The following MAGI1 variants were observed in gnomAD, a reference collection of about 807,000 sequenced individuals.
MAGI1 encodes membrane-associated guanylate kinase, WW and PDZ domain-containing protein 1.
Under a neutral mutation model 139.9 loss-of-function variants are expected in MAGI1, and 58 were observed. The ratio of observed to expected loss-of-function variants is 0.41; its 90% CI spans 0.34 to 0.52. The LOEUF (loss-of-function observed/expected upper bound fraction) is 0.52. Ranked by LOEUF, MAGI1 falls within the 20% of genes least tolerant of loss-of-function variation. The pLI is 0.12. For missense variants in MAGI1, 1,874 were observed against 1,901.6 expected (o/e 0.99, Z 0.27); for synonymous variants, 812 against 737.9 (o/e 1.10, Z -1.63).
chr3:65,375,832 A>T lies in MAGI1; in HGVS notation c.3109T>A (p.Ser1037Thr). ...GDRILAVNGC[S>T]ITNKSHSDIV... The stretch of plus-strand genomic sequence containing the variant: ...TCTGAATGGGATTTGTTGGTGATGG[A>T]ACATCCATTTACTGCCAAGATCCGG... The change falls in exon 18 of 23, where the codon TCC becomes ACC. Residue 1037 changes from serine to threonine, a missense_variant. Ser to Thr is a moderately conservative substitution (Grantham distance 58, BLOSUM62 1). This residue lies in a region of MAGI1 where 653 missense variants were observed against 644.5 expected (regional missense o/e 1.01). Transcript: ENST00000402939. 1 of 1,614,046 alleles carries T rather than the reference A, an allele frequency of 6.2e-7. No individual in the cohort carries two copies. Among genetic ancestry groups the T allele is most frequent in the Non-Finnish European group, 8.5e-7 (1 of 1,179,980 alleles).
intron 2 of MAGI1, among the ~76,000 whole-genome samples, chr3:65,611,662 A>AG: frequency 6.8e-6 from 1 of 147,022 alleles, no homozygotes; most frequent in Non-Finnish European, 1.5e-5. Flanking sequence ...ATACTATACT[A>AG]TTATAGTATA....
chr3:65,829,526 T>C (rs181062887), intron 1 of MAGI1, among the ~76,000 whole-genome samples: 3 of 152,334 alleles, frequency 2.0e-5, no homozygotes, highest in Non-Finnish European at 2.9e-5. Context: ...CCAGACATCA[T>C]ATCTGCTGGT....
At chr3:65,827,049 A>C (rs576472852) in intron 1 of MAGI1, among the ~76,000 whole-genome samples, 1 of 152,264 alleles carries the variant, frequency 6.6e-6, no homozygotes, top group South Asian at 2.1e-4. Flanking sequence ...TTCAGCATCA[A>C]CCTTGGGGTT....
In MAGI1 at chr3:65,383,562, C is replaced by T; in HGVS notation, c.2478G>A (p.Arg826=). ...LWRKETGFGF[R]ILGGNEPGEP... ...CCCCTGGTTCATTTCCACCCAGAAT[C>T]CTAAATCCAAATCCAGTCTCTTTTC... Residue 826 remains arginine (R), a synonymous_variant, in exon 15 of 23, where the codon AGG becomes AGA. Coordinates refer to ENST00000402939, the MANE Select transcript of MAGI1 (RefSeq NM_001033057.2). 1.9e-6 allele frequency: 3 copies of T among 1,613,942 alleles called. No individual in the cohort carries two copies. Among genetic ancestry groups the T allele is most frequent in the Non-Finnish European group, 2.5e-6 (3 of 1,179,846 alleles).
rs1416294735 is a variant in MAGI1 at position 65,851,542 on chromosome 3, A to T, written c.313+186454T>A. Reference sequence around the variant, plus strand: ...GGTGGGCGGATCACTTGAGGTCAGGAGTTTCAGACCAGCCCAGCTAAAATG... The same window carrying T: ...GGTGGGCGGATCACTTGAGGTCAGGTGTTTCAGACCAGCCCAGCTAAAATG... On this transcript the variant is annotated intron_variant, in intron 1 of 22. Transcript: ENST00000402939. 2.6e-5 allele frequency among the ~76,000 whole-genome samples: 4 copies of T among 152,144 alleles called. No individual in the cohort carries two copies. The East Asian group carries it at 7.7e-4, about 29-fold the overall frequency.
chr3:65,655,379 T>G (rs546891499), intron 1 of MAGI1, among the ~76,000 whole-genome samples: 26 of 152,292 alleles, frequency 1.7e-4, no homozygotes, highest in Middle Eastern at 3.4e-3. Flanking sequence ...TGGTACAGAT[T>G]ATTACATACA....
intron 3 of MAGI1, among the ~76,000 whole-genome samples, chr3:65,491,947 C>T (rs112553606): frequency 2.0e-5 from 3 of 152,278 alleles, no homozygotes; most frequent in African/African-American, 7.2e-5. Flanking sequence ...TTCCCGTCTT[C>T]TCCAAAGAAC....
At chr3:65,844,430 G>A (rs1036552584) in intron 1 of MAGI1, 4 of 342,818 alleles carry the variant, frequency 1.2e-5, no homozygotes, top group African/African-American at 4.4e-5. Context: ...AAACAAAAAC[G>A]TATGGCACAA....
At chr3:65,781,637 C>T (rs2038942289) in intron 1 of MAGI1, among the ~76,000 whole-genome samples, 1 of 152,196 alleles carries the variant, frequency 6.6e-6, no homozygotes, top group Non-Finnish European at 1.5e-5. Context: ...ATGAAATTGA[C>T]TTGACATTAA....
At chr3:65,925,487 G>C (rs1422782902) in intron 1 of MAGI1, among the ~76,000 whole-genome samples, 1 of 152,134 alleles carries the variant, frequency 6.6e-6, no homozygotes, top group Non-Finnish European at 1.5e-5. Flanking sequence ...CTGATGCAGA[G>C]TTAAGAGAAA....
chr3:65,808,233 C>T (rs962759522), intron 1 of MAGI1, among the ~76,000 whole-genome samples: 1 of 152,170 alleles, frequency 6.6e-6, no homozygotes, highest in Non-Finnish European at 1.5e-5. Flanking sequence ...GATCCACCCG[C>T]CTTGGCCTCC....
At chr3:65,451,324 AT>A (rs1333112902) in intron 6 of MAGI1, among the ~76,000 whole-genome samples, 2 of 152,218 alleles carry the variant, frequency 1.3e-5, no homozygotes, top group Non-Finnish European at 2.9e-5. Flanking sequence ...CCCTATGGTA[AT>A]AAGTGCCTAA....
intron 1 of MAGI1, among the ~76,000 whole-genome samples, chr3:65,906,780 G>A (rs995952355): frequency 6.6e-6 from 1 of 151,830 alleles, no homozygotes; most frequent in African/African-American, 2.4e-5. Context: ...CAGCTACTAG[G>A]GAGGCTGAGG....
intron 12 of MAGI1, among the ~76,000 whole-genome samples, chr3:65,428,460 C>T (rs1054490855): frequency 3.9e-5 from 6 of 152,148 alleles, no homozygotes; most frequent in African/African-American, 1.2e-4. Flanking sequence ...AGCTTAATGC[C>T]TCGAGATTTA....
rs770193154 is a variant in MAGI1 at position 65,391,193 on chromosome 3, G to T, written c.2365C>A (p.Pro789Thr). Residue 789 changes from proline (P) to threonine (T), a missense_variant, in exon 14 of 23, where the codon CCA (proline) becomes ACA (threonine). By Grantham distance (38) the Pro-to-Thr change is conservative (BLOSUM62 -1). Transcript: ENST00000402939. Reference protein sequence around the residue: ...DQTDSSGQKKPDPFKIWAQSR... With the variant: ...DQTDSSGQKKTDPFKIWAQSR... The stretch of plus-strand genomic sequence containing the variant: ...TGGGCCCAGATTTTAAAAGGATCTG[G>T]TTTTTTCTGGCCAGAGCTGTCAGTT... The T allele has an allele frequency of 3.7e-5, 60 of 1,614,206 alleles. 1 individual carries two copies. Among genetic ancestry groups the T allele is most frequent in the South Asian group, 1.8e-4 (16 of 91,074 alleles).
chr3:66,023,470 G>A (rs2068068926), intron 1 of MAGI1, among the ~76,000 whole-genome samples: 1 of 152,162 alleles, frequency 6.6e-6, no homozygotes. Flanking sequence ...TGCCCGACAT[G>A]AATTATGCAA....
intron 2 of MAGI1, among the ~76,000 whole-genome samples, chr3:65,506,071 G>A (rs896624179): frequency 6.6e-6 from 1 of 152,216 alleles, no homozygotes; most frequent in Admixed American, 6.5e-5. Flanking sequence ...AAATTGCAGG[G>A]ATCTAAAGCT....
chr3:65,880,881 T>C (rs568906549), intron 1 of MAGI1, among the ~76,000 whole-genome samples: 6 of 142,714 alleles, frequency 4.2e-5, no homozygotes, highest in Non-Finnish European at 7.6e-5. Flanking sequence ...CTCTTCCGCA[T>C]TTTCATGGGA....
At chr3:65,471,185 C>A (rs1252482075) in intron 4 of MAGI1, among the ~76,000 whole-genome samples, 1 of 152,024 alleles carries the variant, frequency 6.6e-6, no homozygotes, top group Non-Finnish European at 1.5e-5. Flanking sequence ...AAAGAAGGCT[C>A]GAAATACTTG....
Sources: allele counts gnomAD v4.1 joint callset (sites outside exome capture counted in the v4.1 genomes callset), GRCh38; gene constraint gnomAD v4.1.1; regional missense constraint gnomAD v4.1.1; transcripts MANE v1.5; gene names NCBI Gene and HGNC (gene_info 2026-07-23, HGNC 2026-07-21).